GNB4: variants seen among roughly 807,000 people sequenced by gnomAD.
The protein encoded by GNB4 is G protein subunit beta 4.
GNB4 carries 28 observed loss-of-function variants against 45.2 expected under a neutral mutation model. The observed-to-expected ratio is 0.62, with a 90% CI of 0.46 to 0.85. The LOEUF (loss-of-function observed/expected upper bound fraction) is 0.85. Ranked by LOEUF, GNB4 falls within the 40% of genes least tolerant of loss-of-function variation. The probability of loss-of-function intolerance (pLI) is 0.00; values close to 1 mark genes in which losing one functional copy is unlikely to be tolerated. For synonymous variants in GNB4, 132 were observed against 143.7 expected, an observed-to-expected ratio of 0.92 and a Z score of 0.58; for missense variants, 321 against 425.4, an observed-to-expected ratio of 0.75 and a Z score of 2.16.
the GNB4 span, among the ~76,000 whole-genome samples, chr3:179,515,585 A>G: frequency 6.6e-6 from 1 of 152,250 alleles, no homozygotes; most frequent in Non-Finnish European, 1.5e-5. Flanking sequence ...GGTGGGAACC[A>G]GCCATTTCTA....
chr3:179,416,493 CTTAT>C lies in GNB4; in HGVS notation c.263_266del (p.Asn88ArgfsTer7). ...TAAAAGAATTATGAAGAAATTCTAC[CTTAT>C]TTGTTGTATAGCTATCCCAAATAAT... On this transcript the variant is annotated frameshift_variant and splice_region_variant, in exon 5 of 10. Coordinates refer to ENST00000232564, the MANE Select transcript of GNB4 (RefSeq NM_021629.4). LOFTEE classifies it high-confidence loss of function. 6.5e-7 allele frequency: 1 copy of C among 1,536,306 alleles called. No individual in the cohort carries two copies. Among genetic ancestry groups the C allele is most frequent in the Non-Finnish European group, 8.9e-7 (1 of 1,119,094 alleles).
intron 8 of GNB4, among the ~76,000 whole-genome samples, chr3:179,407,156 C>G (rs1714498001): frequency 6.6e-6 from 1 of 152,080 alleles, no homozygotes; most frequent in Non-Finnish European, 1.5e-5. Flanking sequence ...GAGCGTGCCT[C>G]TGAGAAACAA....
chr3:179,508,117 C>G, the GNB4 span, among the ~76,000 whole-genome samples: 1 of 152,118 alleles, frequency 6.6e-6, no homozygotes, highest in South Asian at 2.1e-4. Flanking sequence ...TGAAAGTATC[C>G]AAATGGAAAT....
At chr3:179,433,732 A>G (rs1715371708) in intron 1 of GNB4, among the ~76,000 whole-genome samples, 1 of 152,152 alleles carries the variant, frequency 6.6e-6, no homozygotes, top group South Asian at 2.1e-4. Flanking sequence ...ACAGACTGAG[A>G]AAAGATAGTT....
chr3:179,475,789 A>G, the GNB4 span, among the ~76,000 whole-genome samples: 1 of 152,180 alleles, frequency 6.6e-6, no homozygotes, highest in Admixed American at 6.5e-5. Flanking sequence ...CGCTTTTCTA[A>G]CAGTCTGCAC....
chr3:179,461,217 GA>G, the GNB4 span, among the ~76,000 whole-genome samples: 1 of 152,180 alleles, frequency 6.6e-6, no homozygotes, highest in Non-Finnish European at 1.5e-5. Flanking sequence ...CCTGCCACTG[GA>G]AATCCTAATA....
the GNB4 span, among the ~76,000 whole-genome samples, chr3:179,493,585 T>A: frequency 6.6e-6 from 1 of 151,086 alleles, no homozygotes; most frequent in South Asian, 2.1e-4. Context: ...GGGACTCCAT[T>A]AAGCAAAATA....
the GNB4 span, among the ~76,000 whole-genome samples, chr3:179,505,784 A>G: frequency 1.3e-5 from 2 of 152,170 alleles, no homozygotes; most frequent in African/African-American, 2.4e-5. Flanking sequence ...TTTTCTCCCT[A>G]CTAAAAGAAT....
At chr3:179,401,343 AT>A in intron 9 of GNB4, 24 bp from the exon 10 acceptor site, 1 of 1,557,572 alleles carries the variant, frequency 6.4e-7, no homozygotes, top group Non-Finnish European at 8.8e-7. Flanking sequence ...TCAGTAAAAA[AT>A]TGGCAATTGT....
chr3:179,517,219 G>A, the GNB4 span, among the ~76,000 whole-genome samples: 3 of 152,106 alleles, frequency 2.0e-5, no homozygotes, highest in Non-Finnish European at 4.4e-5. Flanking sequence ...ATATTACCTT[G>A]TGAAATTCCT....
intron 2 of GNB4, among the ~76,000 whole-genome samples, chr3:179,422,346 G>T (rs1451170650): frequency 2.6e-5 from 4 of 151,930 alleles, no homozygotes; most frequent in African/African-American, 7.3e-5. Context: ...AGAATATAAG[G>T]CCAGGCGTGA....
chr3:179,401,967 A>T (rs1455710934), intron 9 of GNB4, among the ~76,000 whole-genome samples: 1 of 151,928 alleles, frequency 6.6e-6, no homozygotes, highest in Non-Finnish European at 1.5e-5. Context: ...TAAGATTAAT[A>T]AGAAAAATTA....
the GNB4 span, among the ~76,000 whole-genome samples, chr3:179,515,790 G>A: frequency 6.6e-6 from 1 of 152,268 alleles, no homozygotes; most frequent in Non-Finnish European, 1.5e-5. Context: ...GAGATAATGG[G>A]TGATGTTTCT....
chr3:179,404,341 T>C (rs1220898157), intron 9 of GNB4, among the ~76,000 whole-genome samples: 3 of 152,172 alleles, frequency 2.0e-5, no homozygotes, highest in African/African-American at 7.2e-5. Flanking sequence ...TCCATGATAA[T>C]AGGTCAACAA....
intron 2 of GNB4, among the ~76,000 whole-genome samples, chr3:179,421,408 TA>T (rs568369773): frequency 6.4e-4 from 98 of 152,238 alleles, no homozygotes; most frequent in East Asian, 4.1e-3. Flanking sequence ...ACATATTTAA[TA>T]AAAAAAGTTT....
At chr3:179,496,573 C>G in the GNB4 span, among the ~76,000 whole-genome samples, 4 of 151,840 alleles carry the variant, frequency 2.6e-5, no homozygotes, top group Non-Finnish European at 5.9e-5. Flanking sequence ...AAAATAAGAC[C>G]CAACTATATG....
At chr3:179,488,857 G>T in the GNB4 span, among the ~76,000 whole-genome samples, 3 of 150,422 alleles carry the variant, frequency 2.0e-5, no homozygotes, top group African/African-American at 7.3e-5. Context: ...GGTGGTGCGT[G>T]TCTGTAGTCC....
chr3:179,437,132 C>T (rs142306839), intron 1 of GNB4, among the ~76,000 whole-genome samples: 1 of 152,208 alleles, frequency 6.6e-6, no homozygotes, highest in Non-Finnish European at 1.5e-5. Context: ...AACCCTAGGG[C>T]CAGATATATT....
intron 1 of GNB4, among the ~76,000 whole-genome samples, chr3:179,443,198 A>T (rs1163118274): frequency 1.3e-5 from 2 of 152,222 alleles, no homozygotes; most frequent in African/African-American, 4.8e-5. Context: ...TACCATAGTC[A>T]CGGAAAAGTA....
Sources: gnomAD v4.1 joint callset for allele counts (sites outside exome capture counted in the v4.1 genomes callset) on GRCh38, gnomAD v4.1.1 for gene constraint, MANE v1.5 for transcripts, NCBI Gene and HGNC (gene_info 2026-07-23, HGNC 2026-07-21) for gene names.